Variants in DOK6 observed in about 807,000 individuals in gnomAD.
DOK6 encodes the protein downstream of tyrosine kinase 6.
A neutral mutation model predicts 44.0 loss-of-function variants in DOK6; 22 were observed. The observed-to-expected ratio is 0.50, with a 90% CI of 0.36 to 0.71. The LOEUF is 0.71. Ranked by LOEUF, DOK6 falls within the 30% of genes least tolerant of loss-of-function variation. DOK6 has a pLI of 0.00. For missense variants in DOK6, 340 were observed against 416.4 expected, an observed-to-expected ratio of 0.82 and a Z score of 1.60; for synonymous variants, 166 against 145.5, an observed-to-expected ratio of 1.14 and a Z score of -1.01.
intron 1 of DOK6, among the ~76,000 whole-genome samples, chr18:69,521,683 T>A (rs968460297): frequency 6.6e-6 from 1 of 151,976 alleles, no homozygotes; most frequent in Non-Finnish European, 1.5e-5. Context: ...GTCCATTATT[T>A]GCACATAGAA....
chr18:69,409,931 T>C (rs1344464026), intron 1 of DOK6, among the ~76,000 whole-genome samples: 1 of 152,188 alleles, frequency 6.6e-6, no homozygotes, highest in Non-Finnish European at 1.5e-5. Context: ...TTAAAGACCG[T>C]AGGGTAGTTC....
intron 3 of DOK6, among the ~76,000 whole-genome samples, chr18:69,666,998 C>A (rs1265971215): frequency 3.9e-5 from 6 of 152,158 alleles, no homozygotes; most frequent in East Asian, 1.9e-4. Flanking sequence ...AAGGACCCCC[C>A]CTCCCCGCCA....
intron 5 of DOK6, among the ~76,000 whole-genome samples, chr18:69,738,357 T>C (rs190292295): frequency 1.2e-4 from 19 of 152,344 alleles, no homozygotes; most frequent in African/African-American, 3.8e-4. Context: ...CTGAAGACTT[T>C]CTTAAAAGCT....
intron 7 of DOK6, among the ~76,000 whole-genome samples, chr18:69,770,423 G>C (rs991054855): frequency 6.6e-6 from 1 of 152,068 alleles, no homozygotes; most frequent in Non-Finnish European, 1.5e-5. Flanking sequence ...TTCTGCCCAA[G>C]GACATTCTCT....
chr18:69,666,919 G>A lies in DOK6; in HGVS notation c.290-10815G>A, dbSNP rs139300230. 2.4e-3 allele frequency among the ~76,000 whole-genome samples: 366 copies of A among 152,282 alleles called. 1 individual carries two copies. The highest frequency in any genetic ancestry group is 4.0e-3 in the Non-Finnish European group (272 of 68,024). On this transcript the variant is annotated intron_variant, in intron 3 of 7. Coordinates refer to ENST00000382713, the MANE Select transcript of DOK6 (RefSeq NM_152721.6). Reference sequence around the variant, plus strand: ...AATGAGGAAATAGCTTCGTTTTAAGGAAATAAGTCTGCCTATCTGCAGGCT... The same window carrying A: ...AATGAGGAAATAGCTTCGTTTTAAGAAAATAAGTCTGCCTATCTGCAGGCT...
chr18:69,706,530 T>G (rs1172546516), intron 5 of DOK6, among the ~76,000 whole-genome samples: 3 of 152,078 alleles, frequency 2.0e-5, no homozygotes, highest in South Asian at 2.1e-4. Flanking sequence ...TTTTTTAATT[T>G]TATTATTATT....
At chr18:69,577,533 C>A (rs951054846) in intron 2 of DOK6, among the ~76,000 whole-genome samples, 3 of 152,136 alleles carry the variant, frequency 2.0e-5, no homozygotes, top group African/African-American at 7.2e-5. Context: ...CCTCAATTCA[C>A]AATCATTTAC....
chr18:69,483,625 T>A (rs1276303291), intron 1 of DOK6: 1 of 152,166 alleles, frequency 6.6e-6, no homozygotes, highest in African/African-American at 2.4e-5. Flanking sequence ...TGATCCCTTG[T>A]AACACTAGAG....
intron 2 of DOK6, among the ~76,000 whole-genome samples, chr18:69,568,260 G>A (rs1041932637): frequency 3.3e-5 from 5 of 152,210 alleles, no homozygotes; most frequent in African/African-American, 1.2e-4. Context: ...GCCAGGTAAT[G>A]AGCCTTCCCG....
At chr18:69,427,186 C>G (rs913506425) in intron 1 of DOK6, among the ~76,000 whole-genome samples, 1 of 152,106 alleles carries the variant, frequency 6.6e-6, no homozygotes, top group Non-Finnish European at 1.5e-5. Flanking sequence ...GTCTCTCTCT[C>G]CCTCTCCCTC....
At chr18:69,506,720 G>A (rs1295798528) in intron 1 of DOK6, among the ~76,000 whole-genome samples, 2 of 151,996 alleles carry the variant, frequency 1.3e-5, no homozygotes, top group Admixed American at 1.3e-4. Flanking sequence ...TACATAAATT[G>A]TGTGGGAACA....
chr18:69,811,071 G>A (rs1017690298), intron 7 of DOK6, among the ~76,000 whole-genome samples: 5 of 151,964 alleles, frequency 3.3e-5, no homozygotes, highest in South Asian at 4.1e-4. Flanking sequence ...AAGAGATGAC[G>A]AATGGATAAA....
chr18:69,557,533 G>A (rs746234493), intron 1 of DOK6, among the ~76,000 whole-genome samples: 10 of 152,162 alleles, frequency 6.6e-5, no homozygotes, highest in Admixed American at 1.3e-4. Context: ...TCATCAGATG[G>A]AAGGGGATTA....
At chr18:69,405,330 A>G (rs1406508465) in intron 1 of DOK6, among the ~76,000 whole-genome samples, 1 of 152,172 alleles carries the variant, frequency 6.6e-6, no homozygotes, top group African/African-American at 2.4e-5. Context: ...ATTAAAATAA[A>G]TAGAAATAGC....
In DOK6 at chr18:69,680,784, A is replaced by G. The variant is rs139939355; in HGVS notation, c.409+2931A>G. Among the ~76,000 whole-genome samples the G allele has an allele frequency of 1.3e-3, 195 of 152,358 alleles. 1 individual carries two copies. The highest frequency in any genetic ancestry group is 4.6e-3 in the African/African-American group (190 of 41,592). On this transcript the variant is annotated intron_variant, in intron 4 of 7. Coordinates refer to ENST00000382713, the MANE Select transcript of DOK6 (RefSeq NM_152721.6). ...AAAGACTAAGATATCTCATCCGTCA[A>G]CTTGGACCCTCCCACCCAGTCCTTG...
intron 5 of DOK6, among the ~76,000 whole-genome samples, chr18:69,731,407 G>A (rs1044121928): frequency 6.6e-6 from 1 of 152,116 alleles, no homozygotes; most frequent in South Asian, 2.1e-4. Context: ...AGACAAGTGG[G>A]TAGTGCCCAA....
chr18:69,419,603 G>T (rs1978428619), intron 1 of DOK6, among the ~76,000 whole-genome samples: 1 of 152,084 alleles, frequency 6.6e-6, no homozygotes, highest in African/African-American at 2.4e-5. Flanking sequence ...AATGTATCTG[G>T]TAGGTTTTTC....
intron 5 of DOK6, among the ~76,000 whole-genome samples, chr18:69,720,555 T>C (rs1986983700): frequency 6.6e-6 from 1 of 152,208 alleles, no homozygotes; most frequent in African/African-American, 2.4e-5. Context: ...TACTCAGATA[T>C]GAATTCATAT....
intron 3 of DOK6, among the ~76,000 whole-genome samples, chr18:69,664,328 G>T (rs1985602043): frequency 2.0e-5 from 3 of 152,048 alleles, no homozygotes; most frequent in South Asian, 4.2e-4. Flanking sequence ...TTTATTATAG[G>T]TTCTCATTTG....
Sources: allele counts gnomAD v4.1 joint callset (sites outside exome capture counted in the v4.1 genomes callset), GRCh38; gene constraint gnomAD v4.1.1; transcripts MANE v1.5; gene names NCBI Gene and HGNC (gene_info 2026-07-23, HGNC 2026-07-21).